The following RNF167 variants were observed in gnomAD, a reference collection of about 807,000 sequenced individuals.
The protein encoded by RNF167 is ring finger protein 167.
In RNF167, 19 loss-of-function variants were observed where a neutral mutation model predicts 34.8. The observed-to-expected ratio is 0.55, with a 90% CI of 0.38 to 0.80. The LOEUF (loss-of-function observed/expected upper bound fraction) is 0.80. Among genes scored for constraint, RNF167 ranks in the 30% least tolerant of loss-of-function variants. The pLI is 0.00. For synonymous variants in RNF167, 200 were observed against 170.4 expected (o/e 1.17, Z -1.35); for missense variants, 464 against 447.0 (o/e 1.04, Z -0.34).
intron 6 of RNF167, 60 bp from the exon 7 acceptor site, chr17:4,943,119 C>T (rs951122866): frequency 4.1e-6 from 6 of 1,477,158 alleles, no homozygotes; most frequent in Middle Eastern, 1.9e-4. Context: ...GTTACTTTGT[C>T]CCTCTTTTTT....
chr17:4,942,943 T>C lies in RNF167; in HGVS notation c.470+2T>C. The stretch of plus-strand genomic sequence containing the variant: ...TGCCCTCTTTGTCTACGAGAAGGGG[T>C]AGGACATGTGCCTCCTTCCCATTCT... On this transcript the variant is annotated splice_donor_variant, in intron 6 of 9. Coordinates refer to ENST00000262482, the MANE Select transcript of RNF167 (RefSeq NM_015528.3). LOFTEE classifies it high-confidence loss of function. 2 of 1,612,722 alleles carry C rather than the reference T, an allele frequency of 1.2e-6. No individual in the cohort carries two copies. Among genetic ancestry groups the C allele is most frequent in the Non-Finnish European group, 1.7e-6 (2 of 1,178,908 alleles).
chr17:4,942,204 G>A, intron 3 of RNF167, 137 bp from the exon 4 acceptor site: 1 of 950,198 alleles, frequency 1.1e-6, no homozygotes, highest in Non-Finnish European at 1.6e-6. Flanking sequence ...ATGGTGGGAT[G>A]CTCACTCAGA....
chr17:4,942,489 C>T, intron 4 of RNF167, 23 bp downstream of exon 4: 2 of 1,613,458 alleles, frequency 1.2e-6, no homozygotes, highest in Non-Finnish European at 1.7e-6. Flanking sequence ...GGAAGGGGAG[C>T]TGGGCAGCTG....
chr17:4,945,053 C>T lies in RNF167; in HGVS notation c.*37C>T, dbSNP rs1157506056. On this transcript the variant is annotated 3_prime_UTR_variant, in exon 10 of 10. Transcript: ENST00000262482. ...ACATACACCTCTGGTGACCTATTTGCACAGACCGTCGTCTTCCCTCCAGTC... is the reference window on the plus strand; with the variant it reads ...ACATACACCTCTGGTGACCTATTTGTACAGACCGTCGTCTTCCCTCCAGTC... 1 of 1,483,390 alleles carries T rather than the reference C, an allele frequency of 6.7e-7. No individual in the cohort carries two copies. The highest frequency in any genetic ancestry group is 2.3e-5 in the East Asian group (1 of 42,902). The allele number at this position is 1,483,390 out of a possible 1,614,324, so 91.9% of individuals were successfully genotyped here. A position where few individuals can be genotyped will look rare whatever the true frequency, so the allele number is the denominator to read the frequency against.
rs929651369 is a variant in RNF167, at chr17:4,940,819, C to T, written c.-91C>T. Reference sequence around the variant, plus strand: ...CTGGGGGTGGTTGGACCCCTGGGATCCTAAAGGAGGGGCAGGGAGGGCGCA... The same window carrying T: ...CTGGGGGTGGTTGGACCCCTGGGATTCTAAAGGAGGGGCAGGGAGGGCGCA... On this transcript the variant is annotated 5_prime_UTR_variant, in exon 2 of 10. Transcript: ENST00000262482. 6 of 1,243,924 alleles carry T rather than the reference C, an allele frequency of 4.8e-6. No homozygotes were observed. The Admixed American group carries it at 1.0e-4, about 21-fold the overall frequency. 77.1% of individuals were successfully genotyped at this position (1,243,924 alleles called of 1,614,324 possible). A position where few individuals can be genotyped will look rare whatever the true frequency, so the allele number is the denominator to read the frequency against.
At position 4,942,924 on chromosome 17, in the gene RNF167, CTT is replaced by C. The variant is rs1567658824; in HGVS notation, c.455_456del (p.Phe152CysfsTer68). The C allele has an allele frequency of 6.2e-7, 1 of 1,614,046 alleles. No individual in the cohort carries two copies. Among genetic ancestry groups the C allele is most frequent in the Non-Finnish European group, 8.5e-7 (1 of 1,179,974 alleles). On this transcript the variant is annotated frameshift_variant, in exon 6 of 10. Coordinates refer to ENST00000262482, the MANE Select transcript of RNF167 (RefSeq NM_015528.3). LOFTEE classifies it high-confidence loss of function. ...ERSSEYLRALFVYEKGARVLL... is the reference protein window; with the variant it reads ...ERSSEYLRALXVYEKGARVLL... ...GAAGCTCCGAGTACCTGCGTGCCCTCTTTGTCTACGAGAAGGGGTAGGACATG... is the reference window on the plus strand; with the variant it reads ...GAAGCTCCGAGTACCTGCGTGCCCTCTGTCTACGAGAAGGGGTAGGACATG...
Position 4,944,657 on chromosome 17 carries a change from G to A in RNF167, c.751+19G>A, listed in dbSNP as rs1452205761. The A allele has an allele frequency of 3.7e-6, 6 of 1,613,958 alleles. No homozygotes were observed. Among genetic ancestry groups the A allele is most frequent in the Admixed American group, 1.7e-5 (1 of 59,994 alleles). ...GCTCATGGTGAGGCCCTCACTGCCT[G>A]CCCATGCCCCTCTGCCACCAGCAGC... On this transcript the variant is annotated intron_variant, in intron 9 of 9. Coordinates refer to ENST00000262482, the MANE Select transcript of RNF167 (RefSeq NM_015528.3).
rs1971293219 is a variant in RNF167 at position 4,945,140 on chromosome 17, G to C, written c.*124G>C. ...CCCTTACCCACACCTATCCTTTTGA[G>C]GGGCTTTGGGGTGGAGCTGGGGCAA... On this transcript the variant is annotated 3_prime_UTR_variant, in exon 10 of 10. Transcript: ENST00000262482. 1.1e-6 allele frequency: 1 copy of C among 890,698 alleles called. No individual in the cohort carries two copies. The highest frequency in any genetic ancestry group is 2.1e-5 in the South Asian group (1 of 48,604). 55.2% of individuals were successfully genotyped at this position (890,698 alleles called of 1,614,324 possible). A position where few individuals can be genotyped will look rare whatever the true frequency, so the allele number is the denominator to read the frequency against.
Position 4,944,972 on chromosome 17 carries a change from G to T in RNF167, c.1009G>T (p.Asp337Tyr). Residue 337 changes from aspartate (D) to tyrosine (Y), a missense_variant, in exon 10 of 10, where the codon GAT (aspartate) becomes TAT (tyrosine). Transcript: ENST00000262482. The part of the protein sequence containing the change: ...APLVFPGPST[D>Y]PPLSPPSSPV... ...CCTTGTTTTTCCTGGGCCTTCAACA[G>T]ATCCCCCACTGTCCCCTCCCTCTTC... The T allele has an allele frequency of 6.3e-7, 1 of 1,591,760 alleles. No individual in the cohort carries two copies. The highest frequency in any genetic ancestry group is 1.1e-5 in the South Asian group (1 of 87,968).
rs758111028 is a variant in RNF167, at chr17:4,942,683, A to G, written c.379+19A>G. The G allele has an allele frequency of 2.5e-6, 4 of 1,612,808 alleles. No individual in the cohort carries two copies. The highest frequency in any genetic ancestry group is 1.1e-5 in the South Asian group (1 of 91,040). Reference sequence around the variant, plus strand: ...AATAGTGGTAAGGCTGGGGGAATCTATACAGCTGGGCTTTCAGTAGGACCC... The same window carrying G: ...AATAGTGGTAAGGCTGGGGGAATCTGTACAGCTGGGCTTTCAGTAGGACCC... On this transcript the variant is annotated intron_variant, in intron 5 of 9. Transcript: ENST00000262482.
In RNF167 at chr17:4,945,033, C is replaced by T. The variant is rs1043840; in HGVS notation, c.*17C>T. 6 of 1,520,610 alleles carry T rather than the reference C, an allele frequency of 3.9e-6. No individual in the cohort carries two copies. Among genetic ancestry groups the T allele is most frequent in the Non-Finnish European group, 4.4e-6 (5 of 1,133,480 alleles). 94.2% of individuals were successfully genotyped at this position (1,520,610 alleles called of 1,614,324 possible). A position where few individuals can be genotyped will look rare whatever the true frequency, so the allele number is the denominator to read the frequency against. On this transcript the variant is annotated 3_prime_UTR_variant, in exon 10 of 10. Coordinates refer to ENST00000262482, the MANE Select transcript of RNF167 (RefSeq NM_015528.3). ...CTGGTCTAATAACCCCCCACACATA[C>T]ACCTCTGGTGACCTATTTGCACAGA...
In RNF167 at chr17:4,942,881, CT is replaced by C. The variant is rs1373549662; in HGVS notation, c.411del (p.Val138TyrfsTer54). On this transcript the variant is annotated frameshift_variant, in exon 6 of 10. Transcript: ENST00000262482. LOFTEE classifies it high-confidence loss of function. ...ATCCAGCAGCAGATCTGGATCCCGT[CT>C]GTATTTATTGGGGAGAGAAGCTCCG... ...EEIQQQIWIP[S>X]VFIGERSSEY... 6.2e-7 allele frequency: 1 copy of C among 1,614,090 alleles called. No homozygotes were observed. Among genetic ancestry groups the C allele is most frequent in the East Asian group, 2.2e-5 (1 of 44,900 alleles).
intron 8 of RNF167, 24 bp downstream of exon 8, chr17:4,943,543 G>A: frequency 1.3e-6 from 2 of 1,561,550 alleles, no homozygotes; most frequent in Non-Finnish European, 1.8e-6. Context: ...GGGAGAAGAG[G>A]GCTTTTCCCA....
rs138416059 is a variant in RNF167, at chr17:4,942,921, C to T, written c.450C>T (p.Ala150=). The part of the protein sequence containing the change: ...IGERSSEYLR[A]LFVYEKGARV... ...AGAGAAGCTCCGAGTACCTGCGTGC[C>T]CTCTTTGTCTACGAGAAGGGGTAGG... Residue 150 remains alanine (A), a synonymous_variant, in exon 6 of 10, where the codon GCC becomes GCT. Transcript: ENST00000262482. 526 of 1,614,026 alleles carry T rather than the reference C, an allele frequency of 3.3e-4. 3 individuals carry two copies. The African/African-American group carries it at 6.3e-3, about 19-fold the overall frequency.
intron 6 of RNF167, 40 bp from the exon 7 acceptor site, chr17:4,943,139 G>C: frequency 6.4e-7 from 1 of 1,565,436 alleles, no homozygotes; most frequent in Non-Finnish European, 8.8e-7. Flanking sequence ...TTCTCCCTTT[G>C]CCTTTCTCGC....
intron 3 of RNF167, 100 bp downstream of exon 3, chr17:4,941,257 G>T: frequency 1.8e-6 from 2 of 1,093,100 alleles, no homozygotes; most frequent in East Asian, 2.6e-5. Context: ...CCTAGGCTGG[G>T]GTTGGGGAGG....
chr17:4,944,831 G>C lies in RNF167; in HGVS notation c.868G>C (p.Gly290Arg). The change falls in exon 10 of 10, where the codon GGG becomes CGG. Residue 290 changes from glycine to arginine, a missense_variant. Transcript: ENST00000262482. ...CGAAGACCAAGAGGAAGAAACTCAAGGGCAAGAGGAGGGTGATGAAGGGGA... is the reference window on the plus strand; with the variant it reads ...CGAAGACCAAGAGGAAGAAACTCAACGGCAAGAGGAGGGTGATGAAGGGGA... ...GDEDQEEETQ[G>R]QEEGDEGEPR... 1.9e-6 allele frequency: 3 copies of C among 1,613,082 alleles called. No homozygotes were observed. Among genetic ancestry groups the C allele is most frequent in the Non-Finnish European group, 2.5e-6 (3 of 1,179,516 alleles).
rs1350735208 is a variant in RNF167 at position 4,942,627 on chromosome 17, G to A, written c.342G>A (p.Val114=). 6 of 1,614,196 alleles carry A rather than the reference G, an allele frequency of 3.7e-6. No homozygotes were observed. The highest frequency in any genetic ancestry group is 4.2e-6 in the Non-Finnish European group (5 of 1,180,044). ...ATGGTGCCGCTGTAGTACACAATGT[G>A]AATTCCAATGAACTTCTGAACATGG... ...AGYGAAVVHN[V]NSNELLNMVW... is the part of the protein sequence containing the mutation. The change falls in exon 5 of 10, where the codon GTG becomes GTA. Residue 114 remains valine, a synonymous_variant. Coordinates refer to ENST00000262482, the MANE Select transcript of RNF167 (RefSeq NM_015528.3).
chr17:4,943,985 C>T (rs1044180712), intron 8 of RNF167, among the ~76,000 whole-genome samples: 1 of 152,046 alleles, frequency 6.6e-6, no homozygotes, highest in African/African-American at 2.4e-5. Flanking sequence ...GAGGGAGTCC[C>T]TTTCTCAAAA....
Sources: allele counts gnomAD v4.1 joint callset (sites outside exome capture counted in the v4.1 genomes callset), GRCh38; gene constraint gnomAD v4.1.1; transcripts MANE v1.5; gene names NCBI Gene and HGNC (gene_info 2026-07-23, HGNC 2026-07-21).